TENM2: variants seen among roughly 807,000 people sequenced by gnomAD.
TENM2 encodes the protein teneurin transmembrane protein 2.
Under a neutral mutation model 245.2 loss-of-function variants are expected in TENM2, and 52 were observed. The observed-to-expected ratio is 0.21, with a 90% CI of 0.17 to 0.27. The LOEUF is 0.27. TENM2 is among the 10% of genes least tolerant of loss of function. TENM2 has a pLI of 1.00. For synonymous variants in TENM2, 1,363 were observed against 1,438.9 expected (o/e 0.95, Z 1.19); for missense variants, 3,046 against 3,666.8 (o/e 0.83, Z 4.37).
intron 2 of TENM2, among the ~76,000 whole-genome samples, chr5:167,667,347 C>G (rs1355266235): frequency 6.6e-6 from 1 of 152,116 alleles, no homozygotes; most frequent in Non-Finnish European, 1.5e-5. Flanking sequence ...GACACCCAAA[C>G]CAGGAAAGGC....
chr5:168,099,619 T>A (rs1444433070), intron 9 of TENM2, among the ~76,000 whole-genome samples: 1 of 152,238 alleles, frequency 6.6e-6, no homozygotes. Context: ...TGCCTTGACT[T>A]TCTGCAAGAC....
At chr5:167,260,311 A>G in the TENM2 span, among the ~76,000 whole-genome samples, 1 of 152,198 alleles carries the variant, frequency 6.6e-6, no homozygotes, top group Admixed American at 6.5e-5. Context: ...CATTAATATT[A>G]AAAAGTGAAA....
At chr5:167,088,286 G>A in the TENM2 span, among the ~76,000 whole-genome samples, 2 of 152,260 alleles carry the variant, frequency 1.3e-5, no homozygotes, top group South Asian at 4.1e-4. Context: ...TAAGTAATAT[G>A]ATGATACCTG....
At chr5:167,880,160 G>C (rs2151405230) in intron 3 of TENM2, among the ~76,000 whole-genome samples, 1 of 152,070 alleles carries the variant, frequency 6.6e-6, no homozygotes, top group Non-Finnish European at 1.5e-5. Flanking sequence ...AGCCTCCCTA[G>C]TAGCTGGGAT....
At chr5:167,327,033 T>G (rs1757130484) in intron 1 of TENM2, among the ~76,000 whole-genome samples, 1 of 152,180 alleles carries the variant, frequency 6.6e-6, no homozygotes, top group African/African-American at 2.4e-5. Context: ...TTAAAAAATT[T>G]TATTATTATA....
At chr5:167,933,351 G>T (rs926201883) in intron 3 of TENM2, among the ~76,000 whole-genome samples, 5 of 152,182 alleles carry the variant, frequency 3.3e-5, no homozygotes, top group Admixed American at 2.6e-4. Context: ...GATGTTGTGA[G>T]CAGCAGGCCT....
intron 1 of TENM2, among the ~76,000 whole-genome samples, chr5:167,316,146 C>CT (rs1301244316): frequency 3.9e-5 from 6 of 152,110 alleles, no homozygotes; most frequent in Non-Finnish European, 8.8e-5. Flanking sequence ...TGCTTATTTG[C>CT]TTATTTATTT....
the TENM2 span, among the ~76,000 whole-genome samples, chr5:167,187,173 C>G: frequency 2.6e-5 from 4 of 152,280 alleles, no homozygotes; most frequent in South Asian, 8.3e-4. Flanking sequence ...TGGTAGACAT[C>G]AAAATGTGAT....
intron 13 of TENM2, chr5:168,185,084 G>A (rs942488112): frequency 1.3e-5 from 2 of 152,282 alleles, no homozygotes; most frequent in African/African-American, 2.4e-5. Context: ...CCAGCTATAG[G>A]AGTAGACAGG....
intron 13 of TENM2, among the ~76,000 whole-genome samples, chr5:168,172,681 T>C (rs1008556828): frequency 3.9e-5 from 6 of 152,186 alleles, no homozygotes; most frequent in Admixed American, 6.5e-5. Context: ...TTTTGCAGCA[T>C]GCTTAAAAAT....
intron 2 of TENM2, among the ~76,000 whole-genome samples, chr5:167,424,088 G>T (rs556441760): frequency 2.0e-5 from 3 of 152,036 alleles, no homozygotes; most frequent in Non-Finnish European, 2.9e-5. Flanking sequence ...CCTGTCTTTG[G>T]CCAGAAAATC....
At chr5:167,323,603 C>T (rs2127775860) in intron 1 of TENM2, among the ~76,000 whole-genome samples, 1 of 151,902 alleles carries the variant, frequency 6.6e-6, no homozygotes, top group Admixed American at 6.6e-5. Flanking sequence ...TTGAAGAAGT[C>T]AAAAAATTGA....
intron 2 of TENM2, among the ~76,000 whole-genome samples, chr5:167,703,925 AC>A (rs1301656313): frequency 6.6e-6 from 1 of 152,148 alleles, no homozygotes; most frequent in Non-Finnish European, 1.5e-5. Context: ...TGGTTATTTA[AC>A]CCCTCTTTCC....
At chr5:167,098,602 A>G in the TENM2 span, among the ~76,000 whole-genome samples, 9 of 152,176 alleles carry the variant, frequency 5.9e-5, no homozygotes, top group Non-Finnish European at 1.5e-5. Context: ...TTAAATCCAT[A>G]TTAGAACCCA....
chr5:168,145,087 G>T (rs1278342208), intron 12 of TENM2, among the ~76,000 whole-genome samples: 2 of 150,864 alleles, frequency 1.3e-5, no homozygotes, highest in African/African-American at 4.9e-5. Flanking sequence ...TTAGCCCTTT[G>T]TCAGATGAGT....
chr5:167,285,112 T>A, intron 1 of TENM2, 49 bp downstream of exon 3: 1 of 1,400,608 alleles, frequency 7.1e-7, no homozygotes, highest in Non-Finnish European at 9.9e-7. Flanking sequence ...CTAACTTACT[T>A]GATTTACATG....
the TENM2 span, among the ~76,000 whole-genome samples, chr5:167,027,610 A>G: frequency 6.6e-6 from 1 of 152,228 alleles, no homozygotes; most frequent in Non-Finnish European, 1.5e-5. Flanking sequence ...AAAAAAATTC[A>G]AACTAGAAAT....
chr5:167,737,723 T>C (rs1263032598), intron 2 of TENM2, among the ~76,000 whole-genome samples: 6 of 152,206 alleles, frequency 3.9e-5, no homozygotes, highest in Admixed American at 2.0e-4. Flanking sequence ...GGGCTGTTGA[T>C]GTAGCACTGC....
At chr5:168,190,406 G>T (rs367833536) in exon 14 of TENM2, 37 of 1,613,828 alleles carry the variant, frequency 2.3e-5, no homozygotes, top group Non-Finnish European at 3.1e-5. Flanking sequence ...CTGCTCTGCC[G>T]GGGGTCCCGG....
Sources: allele counts gnomAD v4.1 joint callset (sites outside exome capture counted in the v4.1 genomes callset), GRCh38; gene constraint gnomAD v4.1.1; transcripts MANE v1.5; gene names NCBI Gene and HGNC (gene_info 2026-07-23, HGNC 2026-07-21).